Variants in ACSS3 observed in about 807,000 individuals in gnomAD.
The protein encoded by ACSS3 is acyl-CoA synthetase short-chain family member 3, mitochondrial.
ACSS3 carries 64 observed loss-of-function variants against 84.2 expected under a neutral mutation model. The ratio of observed to expected loss-of-function variants is 0.76; its 90% CI spans 0.62 to 0.94. ACSS3 has a LOEUF of 0.94. ACSS3 is among the 40% of genes least tolerant of loss of function. The probability of loss-of-function intolerance (pLI) is 0.00; values close to 1 mark genes in which losing one functional copy is unlikely to be tolerated. For synonymous variants in ACSS3, 317 were observed against 310.1 expected, an observed-to-expected ratio of 1.02 and a Z score of -0.23; for missense variants, 815 against 867.6, an observed-to-expected ratio of 0.94 and a Z score of 0.76.
intron 9 of ACSS3, among the ~76,000 whole-genome samples, chr12:81,208,913 G>A (rs1363651596): frequency 6.6e-6 from 1 of 152,030 alleles, no homozygotes; most frequent in Non-Finnish European, 1.5e-5. Context: ...CTTTTCCCCA[G>A]AAGAAATACC....
At chr12:81,099,605 G>T (rs1882341721) in intron 1 of ACSS3, among the ~76,000 whole-genome samples, 1 of 152,140 alleles carries the variant, frequency 6.6e-6, no homozygotes, top group South Asian at 2.1e-4. Flanking sequence ...GGAATTGAGA[G>T]AAACATTTTA....
At chr12:81,253,788 A>G in intron 15 of ACSS3, 118 bp downstream of exon 15, 1 of 982,154 alleles carries the variant, frequency 1.0e-6, no homozygotes, top group East Asian at 2.5e-5. Flanking sequence ...GAAAACACAT[A>G]ATAGTACTAT....
chr12:81,131,442 G>A (rs1885496417), intron 2 of ACSS3, among the ~76,000 whole-genome samples: 1 of 152,136 alleles, frequency 6.6e-6, no homozygotes, highest in Non-Finnish European at 1.5e-5. Context: ...TGTTATTGAT[G>A]TATAGGAATG....
At chr12:81,112,367 A>G (rs913397504) in intron 2 of ACSS3, among the ~76,000 whole-genome samples, 2 of 152,238 alleles carry the variant, frequency 1.3e-5, no homozygotes, top group African/African-American at 4.8e-5. Flanking sequence ...ACCTAAAATA[A>G]GAAGAATTGT....
At chr12:81,213,840 TCTCTC>T (rs1555181624) in intron 9 of ACSS3, among the ~76,000 whole-genome samples, 7 of 25,928 alleles carry the variant, frequency 2.7e-4, no homozygotes, top group African/African-American at 6.6e-4. Context: ...TCTCTTCTCT[TCTCTC>T]CTCTCCTCTC....
intron 13 of ACSS3, among the ~76,000 whole-genome samples, chr12:81,243,596 C>T (rs1335529720): frequency 6.6e-6 from 1 of 152,284 alleles, no homozygotes; most frequent in East Asian, 1.9e-4. Context: ...ATCACGCTAC[C>T]TGACTTCAAA....
intron 2 of ACSS3, among the ~76,000 whole-genome samples, chr12:81,133,615 C>T (rs1378135483): frequency 2.6e-5 from 4 of 152,040 alleles, no homozygotes; most frequent in African/African-American, 9.7e-5. Flanking sequence ...TCTTAGTGAG[C>T]TCCCGGTGAG....
chr12:81,175,053 CAG>C (rs1446489776), intron 8 of ACSS3, 114 bp downstream of exon 8: 91 of 1,164,176 alleles, frequency 7.8e-5, no homozygotes, highest in Non-Finnish European at 9.2e-5. Flanking sequence ...CCAAAAGATT[CAG>C]AGTGTTATTA....
chr12:81,175,543 C>A (rs1194832619), intron 8 of ACSS3, among the ~76,000 whole-genome samples: 4 of 152,128 alleles, frequency 2.6e-5, no homozygotes, highest in Non-Finnish European at 1.5e-5. Flanking sequence ...CTCCACCCAA[C>A]AACAACAGAA....
intron 11 of ACSS3, among the ~76,000 whole-genome samples, chr12:81,221,576 C>CA (rs1767034080): frequency 6.6e-6 from 1 of 151,990 alleles, no homozygotes; most frequent in South Asian, 2.1e-4. Flanking sequence ...AACATGTAAG[C>CA]ACTATATTAC....
At chr12:81,245,781 T>C (rs1431185374) in intron 13 of ACSS3, among the ~76,000 whole-genome samples, 1 of 152,196 alleles carries the variant, frequency 6.6e-6, no homozygotes, top group Admixed American at 6.5e-5. Flanking sequence ...GAAGAATTGT[T>C]TCTGTTATTG....
intron 11 of ACSS3, among the ~76,000 whole-genome samples, chr12:81,224,660 G>A (rs2033214022): frequency 6.6e-6 from 1 of 151,600 alleles, no homozygotes; most frequent in Non-Finnish European, 1.5e-5. Context: ...TCAGTTACCT[G>A]TGGTCGACCA....
intron 2 of ACSS3, among the ~76,000 whole-genome samples, chr12:81,128,482 G>T (rs1312122086): frequency 6.6e-6 from 1 of 152,062 alleles, no homozygotes; most frequent in Non-Finnish European, 1.5e-5. Flanking sequence ...ATGCTAGCTG[G>T]CCTTGCTCCC....
Position 81,099,017 on chromosome 12 carries a change from T to C in ACSS3, c.312-10543T>C, listed in dbSNP as rs189444304. Reference sequence around the variant, plus strand: ...TCTGGTCCAATCAATAGAAAATTATTATGAAATGTATTAAATAGAAACACT... The same window carrying C: ...TCTGGTCCAATCAATAGAAAATTATCATGAAATGTATTAAATAGAAACACT... On this transcript the variant is annotated intron_variant, in intron 1 of 15. Coordinates refer to ENST00000548058, the MANE Select transcript of ACSS3 (RefSeq NM_024560.4). Among the ~76,000 whole-genome samples, 636 of 152,302 alleles carry C rather than the reference T, an allele frequency of 4.2e-3. 7 individuals carry two copies. The highest frequency in any genetic ancestry group is 0.015 in the African/African-American group (619 of 41,572).
At chr12:81,198,005 C>A (rs182484711) in intron 8 of ACSS3, among the ~76,000 whole-genome samples, 1 of 152,234 alleles carries the variant, frequency 6.6e-6, no homozygotes, top group Non-Finnish European at 1.5e-5. Flanking sequence ...GTTCTCAAGT[C>A]TTTTCACATT....
intron 7 of ACSS3, among the ~76,000 whole-genome samples, chr12:81,163,763 A>C (rs1049741874): frequency 3.9e-5 from 6 of 152,224 alleles, no homozygotes; most frequent in African/African-American, 1.4e-4. Flanking sequence ...TAAACAAAAA[A>C]GTTTAAAGTT....
At position 81,143,996 on chromosome 12, in the gene ACSS3, T is replaced by G. The variant is rs1886209112; in HGVS notation, c.921+749T>G. Among the ~76,000 whole-genome samples the G allele has an allele frequency of 2.0e-5, 3 of 152,182 alleles. No homozygotes were observed. In the South Asian group the frequency reaches 6.2e-4, roughly 31 times the overall value. On this transcript the variant is annotated intron_variant, in intron 5 of 15. Coordinates refer to ENST00000548058, the MANE Select transcript of ACSS3 (RefSeq NM_024560.4). ...TCATCTTTATTAGGTGGTTTAATATTCATTGAATTGTAGAATTTTAGTAGG... is the reference window on the plus strand; with the variant it reads ...TCATCTTTATTAGGTGGTTTAATATGCATTGAATTGTAGAATTTTAGTAGG...
intron 9 of ACSS3, among the ~76,000 whole-genome samples, chr12:81,209,701 G>GC (rs933189504): frequency 1.3e-5 from 2 of 152,190 alleles, no homozygotes; most frequent in Non-Finnish European, 2.9e-5. Flanking sequence ...AGGAAGAGCA[G>GC]CCCGAACGGC....
chr12:81,124,115 A>G (rs565061064), intron 2 of ACSS3, among the ~76,000 whole-genome samples: 3 of 152,148 alleles, frequency 2.0e-5, no homozygotes, highest in Non-Finnish European at 4.4e-5. Flanking sequence ...AACTGTGTGT[A>G]TGTGTTCCCT....
Sources: gnomAD v4.1 joint callset for allele counts (sites outside exome capture counted in the v4.1 genomes callset) on GRCh38, gnomAD v4.1.1 for gene constraint, MANE v1.5 for transcripts, NCBI Gene and HGNC (gene_info 2026-07-23, HGNC 2026-07-21) for gene names.